MAPK10: variants seen among roughly 807,000 people sequenced by gnomAD.
MAPK10 encodes mitogen-activated protein kinase 10.
A neutral mutation model predicts 59.3 loss-of-function variants in MAPK10; 25 were observed. The ratio of observed to expected loss-of-function variants is 0.42; its 90% CI spans 0.31 to 0.59. The LOEUF is 0.59. MAPK10 is among the 20% of genes least tolerant of loss of function. The probability of loss-of-function intolerance (pLI) is 0.15; values close to 1 mark genes in which losing one functional copy is unlikely to be tolerated. For missense variants in MAPK10, 351 were observed against 568.9 expected (o/e 0.62, Z 3.90); for synonymous variants, 190 against 200.5 (o/e 0.95, Z 0.44).
At chr4:86,539,483 C>A (rs926927020) in intron 1 of MAPK10, among the ~76,000 whole-genome samples, 7 of 152,052 alleles carry the variant, frequency 4.6e-5, no homozygotes, top group Non-Finnish European at 7.4e-5. Context: ...TTTAGAAACC[C>A]TTGGTCGCAG....
At chr4:86,135,986 A>G (rs2061983761) in intron 4 of MAPK10, among the ~76,000 whole-genome samples, 1 of 152,196 alleles carries the variant, frequency 6.6e-6, no homozygotes, top group Admixed American at 6.5e-5. Flanking sequence ...GTTTAGAGAA[A>G]AAAGAATAAA....
intron 2 of MAPK10, among the ~76,000 whole-genome samples, chr4:86,218,945 C>T (rs762934634): frequency 6.6e-6 from 1 of 152,214 alleles, no homozygotes; most frequent in Non-Finnish European, 1.5e-5. Flanking sequence ...ATGGAAGCGG[C>T]TTTACCCAGG....
chr4:86,203,429 G>A (rs576415790), intron 2 of MAPK10, among the ~76,000 whole-genome samples: 4 of 151,708 alleles, frequency 2.6e-5, no homozygotes, highest in African/African-American at 9.7e-5. Context: ...GGAGGTTTAA[G>A]AAGCTTCACA....
chr4:86,247,951 A>G (rs563442639), intron 2 of MAPK10, among the ~76,000 whole-genome samples: 2 of 152,318 alleles, frequency 1.3e-5, no homozygotes, highest in African/African-American at 4.8e-5. Context: ...CCAATCTCAA[A>G]GGTCCTTCTA....
At chr4:86,478,634 T>C (rs568779485) in intron 1 of MAPK10, among the ~76,000 whole-genome samples, 30 of 152,172 alleles carry the variant, frequency 2.0e-4, no homozygotes, top group Non-Finnish European at 3.1e-4. Context: ...GTTCCTGGCC[T>C]GGACTTCAAT....
chr4:86,362,084 T>A (rs958531968), upstream of MAPK10, among the ~76,000 whole-genome samples: 3 of 149,102 alleles, frequency 2.0e-5, no homozygotes, highest in Non-Finnish European at 2.9e-5. Flanking sequence ...AGGTGACAGA[T>A]AATGAGCCTG....
chr4:86,247,766 G>A (rs1370100446), intron 2 of MAPK10, among the ~76,000 whole-genome samples: 2 of 152,136 alleles, frequency 1.3e-5, no homozygotes, highest in Non-Finnish European at 2.9e-5. Context: ...TTTGGGTCTT[G>A]AAAGATGACT....
intron 4 of MAPK10, among the ~76,000 whole-genome samples, chr4:86,126,477 A>G (rs2060099997): frequency 6.6e-6 from 1 of 152,094 alleles, no homozygotes; most frequent in African/African-American, 2.4e-5. Flanking sequence ...GCATGAAATT[A>G]TATTCACTAA....
At chr4:86,587,387 G>T (rs1762721731) in intron 1 of MAPK10, among the ~76,000 whole-genome samples, 1 of 152,186 alleles carries the variant, frequency 6.6e-6, no homozygotes, top group Non-Finnish European at 1.5e-5. Flanking sequence ...TGGACCTGAA[G>T]GTAATTCTAG....
intron 10 of MAPK10, among the ~76,000 whole-genome samples, chr4:86,066,752 CAAAA>C (rs60413311): frequency 3.1e-4 from 27 of 86,512 alleles, no homozygotes; most frequent in Non-Finnish European, 4.7e-4. Flanking sequence ...GACTCTGTCT[CAAAA>C]AAAAAAAAAA....
At chr4:86,149,428 G>A (rs2065852082) in intron 4 of MAPK10, among the ~76,000 whole-genome samples, 2 of 152,052 alleles carry the variant, frequency 1.3e-5, no homozygotes, top group South Asian at 4.2e-4. Context: ...CACCACGCCT[G>A]GCTAATTTTT....
chr4:86,044,194 CT>C (rs575705301), intron 11 of MAPK10, among the ~76,000 whole-genome samples: 43 of 152,226 alleles, frequency 2.8e-4, no homozygotes, highest in South Asian at 2.7e-3. Flanking sequence ...ATGCTGCCAC[CT>C]TGTGGCAAGA....
Position 86,397,404 on chromosome 4 carries a change from G to T in MAPK10, c.-121-42760C>A, listed in dbSNP as rs150677936. Among the ~76,000 whole-genome samples, 514 of 152,220 alleles carry T rather than the reference G, an allele frequency of 3.4e-3. 3 individuals carry two copies. The highest frequency in any genetic ancestry group is 0.012 in the African/African-American group (488 of 41,528). ...AGTCTGACTATTGCAAAAGATTCTG[G>T]TGAAGAAAATGTGGCCACATTACAA... On this transcript the variant is annotated intron_variant, in intron 1 of 13. Transcript: ENST00000361569.
rs539781519 is a variant in MAPK10 at position 86,420,407 on chromosome 4, A to G, written c.-122+32623T>C. 2.6e-4 allele frequency among the ~76,000 whole-genome samples: 40 copies of G among 152,308 alleles called. No homozygotes were observed. In the South Asian group the frequency reaches 8.3e-3, roughly 32 times the overall value. ...ATATTAGCCATAGGTACTTCTATTG[A>G]GGGCCCTGTCAGTATCTCACAAGTC... On this transcript the variant is annotated intron_variant, in intron 1 of 13. Transcript: ENST00000361569.
At chr4:86,536,167 G>A (rs747463290) in intron 1 of MAPK10, among the ~76,000 whole-genome samples, 19 of 152,154 alleles carry the variant, frequency 1.2e-4, no homozygotes, top group Non-Finnish European at 2.6e-4. Context: ...GCATAGAAAA[G>A]CATAGTCTAC....
chr4:86,585,517 C>T (rs1228899916), intron 1 of MAPK10, among the ~76,000 whole-genome samples: 1 of 152,192 alleles, frequency 6.6e-6, no homozygotes, highest in Non-Finnish European at 1.5e-5. Flanking sequence ...AAGGCCTTGG[C>T]CCAGCATCCA....
intron 3 of MAPK10, among the ~76,000 whole-genome samples, chr4:86,165,447 G>A (rs1340710627): frequency 6.7e-6 from 1 of 150,278 alleles, no homozygotes; most frequent in Non-Finnish European, 1.5e-5. Context: ...GCACAATCAT[G>A]GTTTGCTGCA....
chr4:86,443,201 T>G (rs1225228786), intron 1 of MAPK10, among the ~76,000 whole-genome samples: 2 of 151,350 alleles, frequency 1.3e-5, no homozygotes, highest in African/African-American at 4.9e-5. Flanking sequence ...AATTTTTACC[T>G]CCAGGAGCTC....
At position 86,322,665 on chromosome 4, in the gene MAPK10, A is replaced by C. The variant is rs187179497; in HGVS notation, c.-7+31865T>G. On this transcript the variant is annotated intron_variant, in intron 2 of 13. Transcript: ENST00000641462. The stretch of plus-strand genomic sequence containing the variant: ...ATAGCAGAGGTTTACTGTTTGTTTC[A>C]GATGGTTTTTTATCAGGCAAGGATT... Among the ~76,000 whole-genome samples the C allele has an allele frequency of 2.1e-3, 324 of 152,304 alleles. 1 individual carries two copies. Among genetic ancestry groups the C allele is most frequent in the Middle Eastern group, 3.4e-3 (1 of 294 alleles).
Sources: allele counts gnomAD v4.1 joint callset (sites outside exome capture counted in the v4.1 genomes callset), GRCh38; gene constraint gnomAD v4.1.1; transcripts MANE v1.5; gene names NCBI Gene and HGNC (gene_info 2026-07-23, HGNC 2026-07-21).